NAALADL2: variants seen among roughly 807,000 people sequenced by gnomAD.
NAALADL2 encodes the protein N-acetylated alpha-linked acidic dipeptidase like 2.
A neutral mutation model predicts 87.2 loss-of-function variants in NAALADL2; 76 were observed. That is an observed-to-expected ratio of 0.87 (90% CI 0.72 to 1.05). NAALADL2 has a LOEUF of 1.05. NAALADL2 is among the 50% of genes least tolerant of loss of function. The pLI is 0.00. For missense variants in NAALADL2, 1,089 were observed against 945.8 expected (o/e 1.15, Z -1.99); for synonymous variants, 354 against 331.0 (o/e 1.07, Z -0.75).
chr3:174,982,868 G>C (rs149692263), intron 1 of NAALADL2, among the ~76,000 whole-genome samples: 1 of 151,848 alleles, frequency 6.6e-6, no homozygotes, highest in Non-Finnish European at 1.5e-5. Flanking sequence ...CATGATCTCC[G>C]CTCACTGCAA....
chr3:175,660,219 T>G (rs535384063), intron 11 of NAALADL2, among the ~76,000 whole-genome samples: 1 of 152,246 alleles, frequency 6.6e-6, no homozygotes, highest in African/African-American at 2.4e-5. Context: ...AGAGATTAGG[T>G]TTCAACATGT....
At chr3:174,486,823 T>A (rs1162814371) in intron 1 of NAALADL2, among the ~76,000 whole-genome samples, 1 of 151,982 alleles carries the variant, frequency 6.6e-6, no homozygotes, top group Non-Finnish European at 1.5e-5. Context: ...CATTAGATGT[T>A]CTGTCCATAT....
chr3:175,795,400 G>T (rs768089804), intron 13 of NAALADL2, among the ~76,000 whole-genome samples: 3 of 152,192 alleles, frequency 2.0e-5, no homozygotes, highest in Non-Finnish European at 2.9e-5. Context: ...GTCAATGGGC[G>T]CGATGGCTCA....
At chr3:174,844,558 G>A (rs74900715) in intron 3 of NAALADL2, among the ~76,000 whole-genome samples, 11 of 152,014 alleles carry the variant, frequency 7.2e-5, no homozygotes, top group African/African-American at 2.4e-4. Context: ...GATAGGAATT[G>A]CATCAATTCT....
intron 13 of NAALADL2, among the ~76,000 whole-genome samples, chr3:175,786,549 ATCAGCTCCT>A (rs1054196901): frequency 6.6e-6 from 1 of 152,110 alleles, no homozygotes; most frequent in African/African-American, 2.4e-5. Flanking sequence ...TTTCAGCTCC[ATCAGCTCCT>A]TTAAGCACTT....
At chr3:175,094,606 G>A (rs1266417639) in intron 1 of NAALADL2, among the ~76,000 whole-genome samples, 1 of 151,546 alleles carries the variant, frequency 6.6e-6, no homozygotes, top group Non-Finnish European at 1.5e-5. Context: ...TGAATCATTT[G>A]GGAAACAAGA....
At chr3:175,205,747 T>A in intron 2 of NAALADL2, among the ~76,000 whole-genome samples, 1 of 149,954 alleles carries the variant, frequency 6.7e-6, no homozygotes, top group Admixed American at 6.7e-5. Flanking sequence ...AAAAAATCAG[T>A]AAGAAAACAA....
intron 2 of NAALADL2, among the ~76,000 whole-genome samples, chr3:174,566,597 A>C (rs2108523839): frequency 6.6e-6 from 1 of 151,558 alleles, no homozygotes; most frequent in South Asian, 2.1e-4. Flanking sequence ...CTCTGTTTAA[A>C]GTTATCTTAG....
intron 1 of NAALADL2, among the ~76,000 whole-genome samples, chr3:174,968,437 A>C (rs1202852658): frequency 6.6e-6 from 1 of 152,130 alleles, no homozygotes; most frequent in Non-Finnish European, 1.5e-5. Flanking sequence ...AGGAAACACA[A>C]CTAGTAAGTA....
chr3:175,795,103 G>C (rs1753299015), intron 13 of NAALADL2, among the ~76,000 whole-genome samples: 1 of 152,084 alleles, frequency 6.6e-6, no homozygotes, highest in Non-Finnish European at 1.5e-5. Flanking sequence ...TACCCCCAAG[G>C]CTCCACTTCC....
intron 2 of NAALADL2, among the ~76,000 whole-genome samples, chr3:175,118,263 AT>A: frequency 6.6e-6 from 1 of 151,886 alleles, no homozygotes. Context: ...TATAATAATA[AT>A]AATACGAATT....
chr3:175,653,655 C>T (rs974240219), intron 11 of NAALADL2, among the ~76,000 whole-genome samples: 6 of 152,180 alleles, frequency 3.9e-5, no homozygotes, highest in African/African-American at 1.4e-4. Flanking sequence ...TGAAGTTATG[C>T]ACATCAGTGT....
chr3:175,788,608 C>T (rs555778682), intron 13 of NAALADL2, among the ~76,000 whole-genome samples: 3 of 152,218 alleles, frequency 2.0e-5, no homozygotes, highest in African/African-American at 7.2e-5. Context: ...TACATGCCAT[C>T]ACATGTTTGC....
At chr3:175,770,929 A>G (rs1420176376) in intron 13 of NAALADL2, among the ~76,000 whole-genome samples, 1 of 152,230 alleles carries the variant, frequency 6.6e-6, no homozygotes, top group African/African-American at 2.4e-5. Flanking sequence ...AATTAAATAG[A>G]TAGCTTTGAA....
intron 2 of NAALADL2, among the ~76,000 whole-genome samples, chr3:175,174,013 A>G (rs1392955450): frequency 1.3e-5 from 2 of 152,076 alleles, no homozygotes; most frequent in Admixed American, 1.3e-4. Flanking sequence ...TTGTAATTTT[A>G]TATGGGATAT....
intron 2 of NAALADL2, among the ~76,000 whole-genome samples, chr3:175,173,238 G>C (rs1016477310): frequency 2.0e-5 from 3 of 151,924 alleles, no homozygotes; most frequent in African/African-American, 7.3e-5. Flanking sequence ...TTTGCTGTGA[G>C]CTGAGATTGT....
intron 11 of NAALADL2, among the ~76,000 whole-genome samples, chr3:175,705,038 C>A (rs1739490195): frequency 1.3e-5 from 2 of 152,082 alleles, no homozygotes; most frequent in South Asian, 4.1e-4. Flanking sequence ...GGAAAGACAT[C>A]CCAGATGGAG....
intron 11 of NAALADL2, among the ~76,000 whole-genome samples, chr3:175,704,442 GA>G (rs1408148849): frequency 6.7e-6 from 1 of 149,706 alleles, no homozygotes; most frequent in Admixed American, 6.6e-5. Context: ...TTTTACGACA[GA>G]AAAATAGATG....
intron 13 of NAALADL2, among the ~76,000 whole-genome samples, chr3:175,799,957 C>CA (rs1028022072): frequency 1.3e-5 from 2 of 152,114 alleles, no homozygotes; most frequent in African/African-American, 4.8e-5. Context: ...GAAGTAGAGA[C>CA]AAAATTTTCC....
Sources: allele counts gnomAD v4.1 joint callset (sites outside exome capture counted in the v4.1 genomes callset), GRCh38; gene constraint gnomAD v4.1.1; transcripts MANE v1.5; gene names NCBI Gene and HGNC (gene_info 2026-07-23, HGNC 2026-07-21).